The following ZC2HC1B variants were observed in gnomAD, a reference collection of about 807,000 sequenced individuals.
ZC2HC1B encodes zinc finger C2HC domain-containing protein 1B.
ZC2HC1B carries 36 observed loss-of-function variants against 31.0 expected under a neutral mutation model. The observed-to-expected ratio is 1.16, with a 90% CI of 0.89 to 1.54. ZC2HC1B has a LOEUF of 1.54. Ranked by LOEUF, ZC2HC1B falls within the 40% of genes most tolerant of loss-of-function variation. ZC2HC1B has a pLI of 0.00. For synonymous variants in ZC2HC1B, 73 were observed against 88.0 expected (o/e 0.83, Z 0.95); for missense variants, 260 against 268.6 (o/e 0.97, Z 0.22).
In ZC2HC1B at chr6:143,886,136, G is replaced by A. The variant is rs201881538; in HGVS notation, c.195G>A (p.Lys65=). Residue 65 remains lysine (K), a synonymous_variant, in exon 3 of 8, where the codon AAG becomes AAA. Coordinates refer to ENST00000237275, the MANE Select transcript of ZC2HC1B (RefSeq NM_001013623.3). This position sits in a 1 kb window ranked among gnomAD's most constrained non-coding sequence, Gnocchi z 4.2. ...GCACTGACATTCCTACTGTGAAGAA[G>A]ACTCCACAATCCAAGGTACTCCTGA... ...LQGTDIPTVK[K]TPQSKSPPVR... 8.4e-6 allele frequency: 13 copies of A among 1,545,792 alleles called. No homozygotes were observed. Among genetic ancestry groups the A allele is most frequent in the Non-Finnish European group, 1.7e-6 (2 of 1,145,360 alleles).
intron 6 of ZC2HC1B, among the ~76,000 whole-genome samples, chr6:143,930,381 C>CTTTTTTTTTTTTTTTTTTTTTTT (rs34308015): frequency 8.9e-6 from 1 of 111,784 alleles, no homozygotes; most frequent in Non-Finnish European, 1.7e-5. Flanking sequence ...TTGAGAGTTT[C>CTTTTTTTTTTTTTTTTTTTTTTT]TTTTTTTTTT....
In ZC2HC1B at chr6:143,908,685, A is replaced by G. The variant is rs1008391444; in HGVS notation, c.598+5533A>G. Among the ~76,000 whole-genome samples the G allele has an allele frequency of 3.3e-5, 5 of 152,298 alleles. No individual in the cohort carries two copies. The highest frequency in any genetic ancestry group is 3.9e-4 in the East Asian group (2 of 5,182). On this transcript the variant is annotated intron_variant, in intron 6 of 7. Transcript: ENST00000237275. The surrounding 1 kb of genome is among the most constrained non-coding windows in gnomAD (Gnocchi z 4.4). ...CTTAAGAAGCTTTTGGCCTGAGACA[A>G]TGGGGTTTTCTAGATATAGGATCCT...
At chr6:143,864,777 C>T (rs953110270) in intron 1 of ZC2HC1B, among the ~76,000 whole-genome samples, 3 of 152,296 alleles carry the variant, frequency 2.0e-5, no homozygotes, top group Non-Finnish European at 4.4e-5. Context: ...GACTGAAGAG[C>T]TTGTCATTGC....
rs1311231421 is a variant in ZC2HC1B at position 143,922,380 on chromosome 6, C to T, written c.599-15269C>T. Among the ~76,000 whole-genome samples, 2 of 152,260 alleles carry T rather than the reference C, an allele frequency of 1.3e-5. No individual in the cohort carries two copies. The highest frequency in any genetic ancestry group is 3.4e-3 in the Middle Eastern group (1 of 294). The stretch of plus-strand genomic sequence containing the variant: ...GAAATATGGAATATATTGTTGTTAA[C>T]TGCAGTCACCCTACTGTGCTATCAA... On this transcript the variant is annotated intron_variant, in intron 6 of 7. Transcript: ENST00000237275. This position sits in a 1 kb window ranked among gnomAD's most constrained non-coding sequence, Gnocchi z 5.0.
intron 1 of ZC2HC1B, among the ~76,000 whole-genome samples, chr6:143,867,924 G>A (rs529106268): frequency 1.6e-4 from 24 of 152,260 alleles, no homozygotes; most frequent in African/African-American, 5.8e-4. Context: ...ACGTCCTCCA[G>A]TAATTCATGA....
At position 143,868,987 on chromosome 6, in the gene ZC2HC1B, A is replaced by G. The variant is rs1203629197; in HGVS notation, c.28+4420A>G. 6.6e-6 allele frequency among the ~76,000 whole-genome samples: 1 copy of G among 152,250 alleles called. No homozygotes were observed. Among genetic ancestry groups the G allele is most frequent in the Non-Finnish European group, 1.5e-5 (1 of 68,034 alleles). On this transcript the variant is annotated intron_variant, in intron 1 of 7. Transcript: ENST00000237275. This position sits in a 1 kb window ranked among gnomAD's most constrained non-coding sequence, Gnocchi z 4.2. ...AGGAGGAAATACTAATGACAATTAC[A>G]GTCCTCATTTCTGCAGCTGGTCACG...
intron 7 of ZC2HC1B, among the ~76,000 whole-genome samples, 152 bp from the exon 8 acceptor site, chr6:143,937,990 T>C (rs1372142429): frequency 1.3e-5 from 2 of 152,238 alleles, no homozygotes; most frequent in East Asian, 3.8e-4. Flanking sequence ...TTTTCCCTTT[T>C]TCTAAGCACC....
chr6:143,872,456 A>G lies in ZC2HC1B; in HGVS notation c.28+7889A>G, dbSNP rs1357830819. ...CTCTGCAGTCCATTACAGTAGCTAC[A>G]TCCACCTTGCCTTTGATGGCTGAGT... On this transcript the variant is annotated intron_variant, in intron 1 of 7. Coordinates refer to ENST00000237275, the MANE Select transcript of ZC2HC1B (RefSeq NM_001013623.3). The surrounding 1 kb of genome is among the most constrained non-coding windows in gnomAD (Gnocchi z 5.5). 6.6e-6 allele frequency among the ~76,000 whole-genome samples: 1 copy of G among 152,216 alleles called. No homozygotes were observed. The highest frequency in any genetic ancestry group is 1.5e-5 in the Non-Finnish European group (1 of 68,030).
chr6:143,924,380 A>G lies in ZC2HC1B; in HGVS notation c.599-13269A>G, dbSNP rs1388255093. ...ATATATATATGTATTACATATATAT[A>G]TCCATGTATATATAATACACACACA... is the stretch of plus-strand genomic sequence containing the variant. On this transcript the variant is annotated intron_variant, in intron 6 of 7. Transcript: ENST00000237275. This position sits in a 1 kb window ranked among gnomAD's most constrained non-coding sequence, Gnocchi z 5.2. Among the ~76,000 whole-genome samples, 1 of 151,332 alleles carries G rather than the reference A, an allele frequency of 6.6e-6. No individual in the cohort carries two copies. Among genetic ancestry groups the G allele is most frequent in the Non-Finnish European group, 1.5e-5 (1 of 67,834 alleles).
In ZC2HC1B at chr6:143,868,955, CAAAA is replaced by C. The variant is rs1562335542; in HGVS notation, c.28+4389_28+4392del. On this transcript the variant is annotated intron_variant, in intron 1 of 7. Transcript: ENST00000237275. This position sits in a 1 kb window ranked among gnomAD's most constrained non-coding sequence, Gnocchi z 4.2. ...TGTACATGCACAAACATGTTTTTAACAAAAGAAGGAGGAAATACTAATGACAATT... is the reference window on the plus strand; with the variant it reads ...TGTACATGCACAAACATGTTTTTAACGAAGGAGGAAATACTAATGACAATT... 6.6e-6 allele frequency among the ~76,000 whole-genome samples: 1 copy of C among 152,178 alleles called. No homozygotes were observed. The highest frequency in any genetic ancestry group is 2.4e-5 in the African/African-American group (1 of 41,454).
Position 143,913,023 on chromosome 6 carries a change from AC to A in ZC2HC1B, c.598+9872del, listed in dbSNP as rs1777878986. 6.6e-6 allele frequency among the ~76,000 whole-genome samples: 1 copy of A among 152,214 alleles called. No homozygotes were observed. Among genetic ancestry groups the A allele is most frequent in the South Asian group, 2.1e-4 (1 of 4,830 alleles). Reference sequence around the variant, plus strand: ...AAAGAAGCAGTCTGGCCATACCTCAACAAAACAGCTGTGCTGTGGTGATGAA... The same window carrying A: ...AAAGAAGCAGTCTGGCCATACCTCAAAAAACAGCTGTGCTGTGGTGATGAA... On this transcript the variant is annotated intron_variant, in intron 6 of 7. Coordinates refer to ENST00000237275, the MANE Select transcript of ZC2HC1B (RefSeq NM_001013623.3). This position sits in a 1 kb window ranked among gnomAD's most constrained non-coding sequence, Gnocchi z 5.7.
At position 143,871,110 on chromosome 6, in the gene ZC2HC1B, A is replaced by G. The variant is rs1777330679; in HGVS notation, c.28+6543A>G. On this transcript the variant is annotated intron_variant, in intron 1 of 7. Transcript: ENST00000237275. This position sits in a 1 kb window ranked among gnomAD's most constrained non-coding sequence, Gnocchi z 4.1. ...GAAGGAATATCTCAACAGGACCCAT[A>G]CCACTGGACCCCTAGAAATTTTATT... is the stretch of plus-strand genomic sequence containing the variant. Among the ~76,000 whole-genome samples the G allele has an allele frequency of 6.6e-6, 1 of 152,154 alleles. No homozygotes were observed. Among genetic ancestry groups the G allele is most frequent in the African/African-American group, 2.4e-5 (1 of 41,446 alleles).
intron 6 of ZC2HC1B, among the ~76,000 whole-genome samples, chr6:143,916,899 C>G (rs1407859650): frequency 2.0e-5 from 3 of 152,180 alleles, no homozygotes; most frequent in Admixed American, 2.0e-4. Context: ...GGATTGTGGA[C>G]TTTTGCGTTA....
At chr6:143,919,231 G>C (rs918139256) in intron 6 of ZC2HC1B, among the ~76,000 whole-genome samples, 1 of 145,852 alleles carries the variant, frequency 6.9e-6, no homozygotes, top group African/African-American at 2.5e-5. Context: ...GTGTGTGTGT[G>C]TGTGTGTGTG....
intron 4 of ZC2HC1B, among the ~76,000 whole-genome samples, chr6:143,890,318 T>G (rs947451455): frequency 3.3e-5 from 5 of 151,628 alleles, no homozygotes; most frequent in Non-Finnish European, 7.4e-5. Flanking sequence ...ACAAAATATT[T>G]TTAAAAGCAT....
chr6:143,912,861 T>G (rs748900874), intron 6 of ZC2HC1B, among the ~76,000 whole-genome samples: 1 of 151,996 alleles, frequency 6.6e-6, no homozygotes, highest in Non-Finnish European at 1.5e-5. Context: ...AATGGCCAAG[T>G]TGGCAGCCTG....
In ZC2HC1B at chr6:143,935,646, CTTTTTTTTT is replaced by C. The variant is rs759896830; in HGVS notation, c.599-1983_599-1975del. On this transcript the variant is annotated intron_variant, in intron 6 of 7. Transcript: ENST00000237275. ...GTAGTTTAGGCCACTTGGTATCACTCTTTTTTTTTTTTTTTTTTTTTTTTTTTTGAGACA... is the reference window on the plus strand; with the variant it reads ...GTAGTTTAGGCCACTTGGTATCACTCTTTTTTTTTTTTTTTTTTTGAGACA... 8.6e-4 allele frequency among the ~76,000 whole-genome samples: 48 copies of C among 55,856 alleles called. No individual in the cohort carries two copies. In the South Asian group the frequency reaches 8.7e-3, roughly 10 times the overall value. 36.6% of individuals were successfully genotyped at this position (55,856 alleles called of 152,430 possible).
At chr6:143,893,532 G>A (rs907820166) in intron 4 of ZC2HC1B, among the ~76,000 whole-genome samples, 2 of 151,916 alleles carry the variant, frequency 1.3e-5, no homozygotes, top group African/African-American at 4.8e-5. Flanking sequence ...GTGCTAATGC[G>A]CTCCAGCCTG....
intron 5 of ZC2HC1B, among the ~76,000 whole-genome samples, chr6:143,902,183 G>A (rs988737605): frequency 6.6e-6 from 1 of 152,148 alleles, no homozygotes; most frequent in Admixed American, 6.5e-5. Context: ...CTTTGTGCCA[G>A]CTTCACCACT....
Sources: gnomAD v4.1 joint callset for allele counts (sites outside exome capture counted in the v4.1 genomes callset) on GRCh38, gnomAD v4.1.1 for gene constraint, Gnocchi (gnomAD v3.1) non-coding constraint, MANE v1.5 for transcripts, NCBI Gene and HGNC (gene_info 2026-07-23, HGNC 2026-07-21) for gene names.